ENTREP2: variants seen among roughly 807,000 people sequenced by gnomAD.
ENTREP2 encodes protein ENTREP2.
chr15:29,236,828 G>A, the ENTREP2 span, among the ~76,000 whole-genome samples: 1 of 151,846 alleles, frequency 6.6e-6, no homozygotes, highest in East Asian at 1.9e-4. Flanking sequence ...CACATTTTCT[G>A]AAGCTAGTAT....
chr15:29,180,502 T>G, the ENTREP2 span, among the ~76,000 whole-genome samples: 1 of 151,822 alleles, frequency 6.6e-6, no homozygotes, highest in Non-Finnish European at 1.5e-5. Flanking sequence ...CTGTCTCTAC[T>G]AAAATACAAA....
chr15:29,521,978 A>C, the ENTREP2 span, among the ~76,000 whole-genome samples: 4 of 152,332 alleles, frequency 2.6e-5, no homozygotes, highest in Admixed American at 1.3e-4. Context: ...ATCCACACAT[A>C]TACAGAAAAA....
chr15:29,607,338 T>C, the ENTREP2 span, among the ~76,000 whole-genome samples: 3 of 151,586 alleles, frequency 2.0e-5, no homozygotes, highest in South Asian at 2.1e-4. Context: ...TCACCTTTTA[T>C]GTCTCTCGAG....
At chr15:29,513,342 A>G in the ENTREP2 span, among the ~76,000 whole-genome samples, 4 of 152,218 alleles carry the variant, frequency 2.6e-5, no homozygotes, top group Non-Finnish European at 4.4e-5. Context: ...AGGCTGCATC[A>G]AAATATGAAG....
the ENTREP2 span, among the ~76,000 whole-genome samples, chr15:29,546,345 A>C: frequency 1.3e-5 from 2 of 152,216 alleles, no homozygotes; most frequent in East Asian, 3.8e-4. Context: ...TAATCAGTGC[A>C]AAGTGCTGGA....
At chr15:29,599,999 T>C in the ENTREP2 span, among the ~76,000 whole-genome samples, 8 of 152,196 alleles carry the variant, frequency 5.3e-5, no homozygotes, top group Non-Finnish European at 7.3e-5. Flanking sequence ...AAGTGATTAA[T>C]ATTATTGCTG....
At chr15:29,672,952 T>A in the ENTREP2 span, among the ~76,000 whole-genome samples, 1 of 152,116 alleles carries the variant, frequency 6.6e-6, no homozygotes, top group Non-Finnish European at 1.5e-5. Flanking sequence ...CGAGGGAGTA[T>A]ACTTAGTTAC....
the ENTREP2 span, among the ~76,000 whole-genome samples, chr15:29,589,760 G>T: frequency 6.6e-6 from 1 of 152,188 alleles, no homozygotes; most frequent in Non-Finnish European, 1.5e-5. Context: ...ACAGACAGTA[G>T]GAAAAACAGT....
the ENTREP2 span, among the ~76,000 whole-genome samples, chr15:29,220,372 G>A: frequency 2.5e-4 from 38 of 152,286 alleles, no homozygotes; most frequent in African/African-American, 6.7e-4. Context: ...TTAAACGCAC[G>A]TTATTTTTGG....
At chr15:29,295,361 C>T in the ENTREP2 span, among the ~76,000 whole-genome samples, 1 of 152,274 alleles carries the variant, frequency 6.6e-6, no homozygotes, top group African/African-American at 2.4e-5. Context: ...CCTGGTCACT[C>T]CCAGGAAGCC....
At chr15:29,674,130 G>GC in the ENTREP2 span, among the ~76,000 whole-genome samples, 4 of 103,384 alleles carry the variant, frequency 3.9e-5, no homozygotes, top group Admixed American at 2.7e-4. Context: ...GCAGAGGATG[G>GC]GGGGGGGGGG....
chr15:29,257,302 A>C, the ENTREP2 span, among the ~76,000 whole-genome samples: 1 of 152,084 alleles, frequency 6.6e-6, no homozygotes, highest in African/African-American at 2.4e-5. Flanking sequence ...GGAACACCTG[A>C]CCTCAGGTGG....
the ENTREP2 span, among the ~76,000 whole-genome samples, chr15:29,133,420 G>C: frequency 1.3e-5 from 2 of 152,124 alleles, no homozygotes; most frequent in African/African-American, 4.8e-5. Context: ...TCCCCACAGG[G>C]ACACCCACTG....
the ENTREP2 span, among the ~76,000 whole-genome samples, chr15:29,575,311 A>G: frequency 6.6e-6 from 1 of 152,194 alleles, no homozygotes; most frequent in African/African-American, 2.4e-5. Flanking sequence ...GCCTCCAATT[A>G]TTTCTATGAA....
the ENTREP2 span, among the ~76,000 whole-genome samples, chr15:29,574,681 C>G: frequency 6.6e-6 from 1 of 152,176 alleles, no homozygotes; most frequent in African/African-American, 2.4e-5. Flanking sequence ...CATGGGGAGA[C>G]AAGGAACACT....
chr15:29,627,795 C>T, the ENTREP2 span, among the ~76,000 whole-genome samples: 2 of 152,208 alleles, frequency 1.3e-5, no homozygotes, highest in African/African-American at 4.8e-5. Flanking sequence ...AGGTTCATCA[C>T]ATGTGGTAGC....
At chr15:29,229,313 G>GT in the ENTREP2 span, among the ~76,000 whole-genome samples, 4 of 152,062 alleles carry the variant, frequency 2.6e-5, 1 homozygote, top group African/African-American at 9.7e-5. Flanking sequence ...AAATAATAGC[G>GT]TATCTGGGGA....
chr15:29,452,985 G>A, the ENTREP2 span, among the ~76,000 whole-genome samples: 13 of 152,242 alleles, frequency 8.5e-5, no homozygotes, highest in African/African-American at 2.9e-4. Flanking sequence ...AAATTAAACC[G>A]GAGGAGGCAG....
the ENTREP2 span, among the ~76,000 whole-genome samples, chr15:29,473,802 C>T: frequency 5.9e-5 from 9 of 152,218 alleles, no homozygotes; most frequent in African/African-American, 1.7e-4. Context: ...GGGCCCCGGC[C>T]GCAGCCACGG....
Sources: allele counts gnomAD v4.1 joint callset (sites outside exome capture counted in the v4.1 genomes callset), GRCh38; gene constraint gnomAD v4.1.1; transcripts MANE v1.5; gene names NCBI Gene and HGNC (gene_info 2026-07-23, HGNC 2026-07-21).